Variants in SORCS2 observed in about 807,000 individuals in gnomAD.
SORCS2 encodes the protein sortilin related VPS10 domain containing receptor 2.
Under a neutral mutation model 141.6 loss-of-function variants are expected in SORCS2, and 100 were observed. That is an observed-to-expected ratio of 0.71 (90% CI 0.60 to 0.83). SORCS2 has a LOEUF of 0.83. Ranked by LOEUF, SORCS2 falls within the 40% of genes least tolerant of loss-of-function variation. SORCS2 has a pLI of 0.00. For synonymous variants in SORCS2, 789 were observed against 676.9 expected, an observed-to-expected ratio of 1.17 and a Z score of -2.57; for missense variants, 1,646 against 1,560.2, an observed-to-expected ratio of 1.05 and a Z score of -0.93.
chr4:7,716,861 C>T (rs540028095), intron 17 of SORCS2, among the ~76,000 whole-genome samples: 2 of 152,344 alleles, frequency 1.3e-5, no homozygotes, highest in Non-Finnish European at 2.9e-5. Flanking sequence ...ACCATCTGCA[C>T]GCTGTAGGTG....
In SORCS2 at chr4:7,632,031, C is replaced by T. The variant is rs376557362; in HGVS notation, c.649-6297C>T. 3.9e-5 allele frequency among the ~76,000 whole-genome samples: 6 copies of T among 152,304 alleles called. No individual in the cohort carries two copies. In the South Asian group the frequency reaches 6.2e-4, roughly 16 times the overall value. On this transcript the variant is annotated intron_variant, in intron 3 of 26. Transcript: ENST00000507866. ...GAGAAAAGCCGTCTGTGTGATCACC[C>T]ACTTGGCACACAGGCTCCCTGGCCT...
chr4:7,204,418 G>A (rs1198386746), intron 1 of SORCS2, among the ~76,000 whole-genome samples: 2 of 152,098 alleles, frequency 1.3e-5, no homozygotes, highest in Non-Finnish European at 2.9e-5. Context: ...GGGTTTTGCT[G>A]TATTGCCCAG....
intron 3 of SORCS2, among the ~76,000 whole-genome samples, chr4:7,601,209 C>A (rs1339781519): frequency 2.6e-5 from 4 of 152,062 alleles, no homozygotes; most frequent in Admixed American, 2.6e-4. Context: ...ATGCAAAGGC[C>A]TCCCTTAGGA....
At chr4:7,623,060 C>T (rs1287255061) in intron 3 of SORCS2, among the ~76,000 whole-genome samples, 2 of 152,020 alleles carry the variant, frequency 1.3e-5, no homozygotes, top group Admixed American at 1.3e-4. Flanking sequence ...ACGGTGCTAC[C>T]TCCCACCCCA....
At chr4:7,454,479 A>G (rs560405573) in intron 2 of SORCS2, among the ~76,000 whole-genome samples, 1 of 81,004 alleles carries the variant, frequency 1.2e-5, no homozygotes, top group African/African-American at 4.7e-5. Flanking sequence ...AGGGTCAGGC[A>G]GTGTGTTGGG....
At chr4:7,459,336 T>C (rs1729139250) in intron 2 of SORCS2, among the ~76,000 whole-genome samples, 1 of 152,110 alleles carries the variant, frequency 6.6e-6, no homozygotes, top group African/African-American at 2.4e-5. Flanking sequence ...GCAGGCCTTG[T>C]ACTAGGGAGA....
At chr4:7,439,303 C>G (rs1727506273) in intron 2 of SORCS2, among the ~76,000 whole-genome samples, 1 of 152,150 alleles carries the variant, frequency 6.6e-6, no homozygotes, top group Admixed American at 6.5e-5. Context: ...ACTCCCCTGC[C>G]CAACAGTGAG....
At chr4:7,612,893 T>TTGGAGGGGAACAAGAAGAAGGGTTGG (rs1553892734) in intron 3 of SORCS2, among the ~76,000 whole-genome samples, 45 of 147,414 alleles carry the variant, frequency 3.1e-4, no homozygotes, top group Non-Finnish European at 5.9e-4. Context: ...TGGGAGGAGA[T>TTGGAGGGGAACAAGAAGAAGGGTTGG]GGGAGGGGAA....
chr4:7,411,657 A>G (rs1725316285), intron 2 of SORCS2, among the ~76,000 whole-genome samples: 1 of 151,952 alleles, frequency 6.6e-6, no homozygotes, highest in African/African-American at 2.4e-5. Context: ...CCATCCATTT[A>G]GGCTCTGGGG....
intron 2 of SORCS2, among the ~76,000 whole-genome samples, chr4:7,426,661 G>C (rs10031234): frequency 6.6e-6 from 1 of 151,936 alleles, no homozygotes; most frequent in Non-Finnish European, 1.5e-5. Flanking sequence ...GGGTGTGCTC[G>C]ATGCGGTCAC....
chr4:7,671,910 G>A (rs1299670467), intron 8 of SORCS2, among the ~76,000 whole-genome samples: 1 of 148,882 alleles, frequency 6.7e-6, no homozygotes, highest in African/African-American at 2.5e-5. Flanking sequence ...TCCACACCAA[G>A]ACACATAACC....
At chr4:7,580,742 G>A (rs1716087767) in intron 3 of SORCS2, among the ~76,000 whole-genome samples, 1 of 152,140 alleles carries the variant, frequency 6.6e-6, no homozygotes, top group South Asian at 2.1e-4. Context: ...CAGGAGCAAT[G>A]TGTGGCAAGA....
At chr4:7,556,766 C>T (rs971228278) in intron 3 of SORCS2, among the ~76,000 whole-genome samples, 2 of 150,790 alleles carry the variant, frequency 1.3e-5, no homozygotes, top group East Asian at 2.0e-4. Flanking sequence ...ACCACCCATT[C>T]ACCCACCACC....
At chr4:7,327,216 A>C (rs1359775396) in intron 1 of SORCS2, among the ~76,000 whole-genome samples, 1 of 152,174 alleles carries the variant, frequency 6.6e-6, no homozygotes, top group Non-Finnish European at 1.5e-5. Flanking sequence ...AGAGGTCTAT[A>C]ATCAAGGGAG....
At chr4:7,463,010 C>T (rs1033360965) in intron 2 of SORCS2, among the ~76,000 whole-genome samples, 30 of 151,990 alleles carry the variant, frequency 2.0e-4, no homozygotes, top group African/African-American at 6.5e-4. Flanking sequence ...CTGGTCTCTG[C>T]CACCGTATCT....
intron 2 of SORCS2, among the ~76,000 whole-genome samples, chr4:7,486,047 C>T (rs752954607): frequency 2.6e-5 from 4 of 152,198 alleles, no homozygotes; most frequent in Non-Finnish European, 5.9e-5. Flanking sequence ...CCGAAGCCCA[C>T]GGATGTCACC....
chr4:7,256,145 G>A (rs1168899383), intron 1 of SORCS2, among the ~76,000 whole-genome samples: 1 of 152,172 alleles, frequency 6.6e-6, no homozygotes, highest in Non-Finnish European at 1.5e-5. Flanking sequence ...GGCCATGGGT[G>A]TCTGGGGCAA....
Position 7,648,041 on chromosome 4 carries a change from G to A in SORCS2, c.814-6093G>A, listed in dbSNP as rs1184217999. On this transcript the variant is annotated intron_variant, in intron 4 of 26. Transcript: ENST00000507866. The surrounding 1 kb of genome is among the most constrained non-coding windows in gnomAD (Gnocchi z 4.2). The stretch of plus-strand genomic sequence containing the variant: ...GCAGGAGCAGCCGAGGTGGAGTGGG[G>A]AAGTGGGGTGGCCTGAGATGGAATG... 6.6e-6 allele frequency among the ~76,000 whole-genome samples: 1 copy of A among 152,208 alleles called. No homozygotes were observed. Among genetic ancestry groups the A allele is most frequent in the Non-Finnish European group, 1.5e-5 (1 of 68,034 alleles).
chr4:7,661,536 C>G lies in SORCS2; in HGVS notation c.924C>G (p.Val308=), dbSNP rs920862565. ...GGGTGGACGCTGACCCTGACTTGGTCCACGTGGAAGCCCAAGACCTCGGTG... is the reference window on the plus strand; with the variant it reads ...GGGTGGACGCTGACCCTGACTTGGTGCACGTGGAAGCCCAAGACCTCGGTG... ...VSGVDADPDL[V]HVEAQDLGGD... is the part of the protein sequence containing the mutation. Residue 308 remains valine (V), a synonymous_variant, in exon 6 of 27, where the codon GTC becomes GTG. Coordinates refer to ENST00000507866, the MANE Select transcript of SORCS2 (RefSeq NM_020777.3). 1 of 1,551,824 alleles carries G rather than the reference C, an allele frequency of 6.4e-7. No individual in the cohort carries two copies. The highest frequency in any genetic ancestry group is 2.0e-5 in the Admixed American group (1 of 51,032).
Sources: allele counts gnomAD v4.1 joint callset (sites outside exome capture counted in the v4.1 genomes callset), GRCh38; gene constraint gnomAD v4.1.1; non-coding constraint Gnocchi (gnomAD v3.1); transcripts MANE v1.5; gene names NCBI Gene and HGNC (gene_info 2026-07-23, HGNC 2026-07-21).